MYRIP: variants seen among roughly 807,000 people sequenced by gnomAD.
The protein encoded by MYRIP is rab effector MyRIP.
Under a neutral mutation model 98.0 loss-of-function variants are expected in MYRIP, and 49 were observed. The ratio of observed to expected loss-of-function variants is 0.50; its 90% CI spans 0.40 to 0.63. The LOEUF (loss-of-function observed/expected upper bound fraction) is 0.63, where lower values mean the gene tolerates loss of function less well. MYRIP is among the 30% of genes least tolerant of loss of function. The pLI is 0.00. For synonymous variants in MYRIP, 404 were observed against 409.5 expected, an observed-to-expected ratio of 0.99 and a Z score of 0.16; for missense variants, 1,004 against 1,058.2, an observed-to-expected ratio of 0.95 and a Z score of 0.71.
Position 39,915,961 on chromosome 3 carries a change from A to C in MYRIP, c.110+15035A>C, listed in dbSNP as rs573320571. 7.2e-5 allele frequency among the ~76,000 whole-genome samples: 11 copies of C among 152,120 alleles called. 1 individual carries two copies. The highest frequency in any genetic ancestry group is 2.4e-4 in the African/African-American group (10 of 41,546). On this transcript the variant is annotated intron_variant, in intron 2 of 16. Coordinates refer to ENST00000302541, the MANE Select transcript of MYRIP (RefSeq NM_015460.4). ...TATTATCAACTGTTACCTATAACAC[A>C]ATCTCTTCTTACAGTGGGCACAAGA... is the stretch of plus-strand genomic sequence containing the variant.
At chr3:39,942,807 C>T (rs1439637754) in intron 2 of MYRIP, among the ~76,000 whole-genome samples, 10 of 152,108 alleles carry the variant, frequency 6.6e-5, no homozygotes, top group Non-Finnish European at 1.2e-4. Flanking sequence ...CTTCATCTCT[C>T]CCTCTACTAT....
chr3:39,982,074 C>T (rs555579623), intron 2 of MYRIP, among the ~76,000 whole-genome samples: 12 of 152,312 alleles, frequency 7.9e-5, no homozygotes, highest in African/African-American at 2.4e-4. Context: ...TATCTTATTA[C>T]ATTTCCAAGA....
At chr3:40,154,965 A>G (rs1036926674) in intron 4 of MYRIP, among the ~76,000 whole-genome samples, 2 of 152,076 alleles carry the variant, frequency 1.3e-5, no homozygotes, top group Non-Finnish European at 2.9e-5. Flanking sequence ...ATCATTCTAT[A>G]TCTAATTTTG....
intron 12 of MYRIP, among the ~76,000 whole-genome samples, chr3:40,239,068 C>T (rs974390761): frequency 7.7e-6 from 1 of 129,196 alleles, no homozygotes; most frequent in Non-Finnish European, 1.6e-5. Context: ...TCCCCCCACC[C>T]CACAACAGTC....
At chr3:39,919,734 G>C (rs1443833771) in intron 2 of MYRIP, among the ~76,000 whole-genome samples, 1 of 151,586 alleles carries the variant, frequency 6.6e-6, no homozygotes. Context: ...GTGTGAGAGA[G>C]AGAGAGAGAG....
chr3:40,171,734 A>G (rs1950619975), intron 8 of MYRIP, among the ~76,000 whole-genome samples: 1 of 152,260 alleles, frequency 6.6e-6, no homozygotes, highest in Non-Finnish European at 1.5e-5. Context: ...GATGGCTCCA[A>G]GGATTCCTTG....
At position 39,933,533 on chromosome 3, in the gene MYRIP, A is replaced by G. The variant is rs867196736; in HGVS notation, c.110+32607A>G. On this transcript the variant is annotated intron_variant, in intron 2 of 16. Transcript: ENST00000302541. ...TCACTGTCTAAAACTTTGAGGAGAA[A>G]CTCTGAGAAGAAGCCACTCAATTCC... Among the ~76,000 whole-genome samples the G allele has an allele frequency of 4.6e-5, 7 of 152,270 alleles. No homozygotes were observed. In the South Asian group the frequency reaches 1.0e-3, roughly 23 times the overall value.
intron 3 of MYRIP, among the ~76,000 whole-genome samples, chr3:40,135,015 G>A (rs11714428): frequency 0.21 from 32,413 of 152,132 alleles, 4,119 homozygotes; most frequent in South Asian, 0.36. Context: ...CACCAGCAAC[G>A]GAACAAAGCT....
chr3:39,937,548 A>G (rs1944682628), intron 2 of MYRIP, among the ~76,000 whole-genome samples: 1 of 152,208 alleles, frequency 6.6e-6, no homozygotes, highest in Non-Finnish European at 1.5e-5. Context: ...AGGAACTGGA[A>G]TTTGCCCAAT....
rs187396871 is a variant in MYRIP at position 39,982,347 on chromosome 3, C to T, written c.111-61703C>T. On this transcript the variant is annotated intron_variant, in intron 2 of 16. Coordinates refer to ENST00000302541, the MANE Select transcript of MYRIP (RefSeq NM_015460.4). ...TGGCAGCACCATATACATGTATGTACGATGAGAAATTGGACCGCTATTTAT... is the reference window on the plus strand; with the variant it reads ...TGGCAGCACCATATACATGTATGTATGATGAGAAATTGGACCGCTATTTAT... 4.2e-4 allele frequency among the ~76,000 whole-genome samples: 64 copies of T among 152,196 alleles called. 1 individual carries two copies. Among genetic ancestry groups the T allele is most frequent in the African/African-American group, 1.3e-3 (54 of 41,554 alleles).
intron 2 of MYRIP, among the ~76,000 whole-genome samples, chr3:40,021,575 G>A (rs911218751): frequency 1.2e-4 from 19 of 152,172 alleles, no homozygotes; most frequent in African/African-American, 4.3e-4. Flanking sequence ...CGTGATGACA[G>A]TTTCATTTCT....
At chr3:40,213,838 G>A (rs1281766021) in intron 11 of MYRIP, among the ~76,000 whole-genome samples, 1 of 152,140 alleles carries the variant, frequency 6.6e-6, no homozygotes, top group Non-Finnish European at 1.5e-5. Context: ...AGGAGCGGGA[G>A]TGAGGCACTA....
At chr3:40,209,761 TCCTATGTTCCTTTAC>T in intron 10 of MYRIP, 78 bp from the exon 11 acceptor site, 1 of 1,516,952 alleles carries the variant, frequency 6.6e-7, no homozygotes, top group Non-Finnish European at 8.9e-7. Context: ...GACTATATGT[TCCTATGTTCCTTTAC>T]TCAGGGGTTA....
At chr3:40,015,880 T>G (rs1946851361) in intron 2 of MYRIP, among the ~76,000 whole-genome samples, 1 of 152,180 alleles carries the variant, frequency 6.6e-6, no homozygotes, top group African/African-American at 2.4e-5. Flanking sequence ...CACAAACCAC[T>G]CCTAACTGCA....
chr3:40,064,162 A>AT (rs970170279), intron 3 of MYRIP, among the ~76,000 whole-genome samples: 32 of 152,170 alleles, frequency 2.1e-4, no homozygotes, highest in African/African-American at 7.0e-4. Context: ...CCACCTTATT[A>AT]TATGTAGTCC....
At chr3:39,969,432 CAT>C (rs1945522020) in intron 2 of MYRIP, among the ~76,000 whole-genome samples, 1 of 151,022 alleles carries the variant, frequency 6.6e-6, no homozygotes, top group African/African-American at 2.4e-5. Context: ...AGCTTTTGCC[CAT>C]TCAGTATAAT....
chr3:40,018,982 T>G (rs947930901), intron 2 of MYRIP, among the ~76,000 whole-genome samples: 2 of 152,164 alleles, frequency 1.3e-5, no homozygotes, highest in Non-Finnish European at 2.9e-5. Context: ...TTTCATTACT[T>G]CCTCTTCAGT....
At chr3:40,026,691 G>T (rs372540290) in intron 2 of MYRIP, among the ~76,000 whole-genome samples, 1 of 152,104 alleles carries the variant, frequency 6.6e-6, no homozygotes, top group Non-Finnish European at 1.5e-5. Context: ...TCACTGTTCA[G>T]TCTGCAACAG....
chr3:39,841,776 C>T (rs1356731538), intron 1 of MYRIP, among the ~76,000 whole-genome samples: 1 of 152,180 alleles, frequency 6.6e-6, no homozygotes, highest in Non-Finnish European at 1.5e-5. Context: ...ACCTGGATAT[C>T]ACCAGCAGAG....
Sources: gnomAD v4.1 joint callset for allele counts (sites outside exome capture counted in the v4.1 genomes callset) on GRCh38, gnomAD v4.1.1 for gene constraint, MANE v1.5 for transcripts, NCBI Gene and HGNC (gene_info 2026-07-23, HGNC 2026-07-21) for gene names.